Variants in UMAD1 observed in about 807,000 individuals in gnomAD.
The protein encoded by UMAD1 is UBAP1-MVB12-associated (UMA)-domain containing protein 1.
A neutral mutation model predicts 6.1 loss-of-function variants in UMAD1; 8 were observed. That is an observed-to-expected ratio of 1.30 (90% CI 0.76 to 2.35). UMAD1 has a LOEUF of 2.35. Ranked by LOEUF, UMAD1 falls within the 30% of genes most tolerant of loss-of-function variation. The pLI is 0.00. For synonymous variants in UMAD1, 56 were observed against 31.4 expected (o/e 1.78, Z -2.61); for missense variants, 130 against 78.4 (o/e 1.66, Z -2.49).
chr7:7,699,344 T>C (rs1780401474), intron 2 of UMAD1, among the ~76,000 whole-genome samples: 1 of 152,240 alleles, frequency 6.6e-6, no homozygotes, highest in Non-Finnish European at 1.5e-5. Context: ...CTTTAATCAC[T>C]CATAAACTTG....
At chr7:7,741,605 T>A (rs980542699) in intron 2 of UMAD1, among the ~76,000 whole-genome samples, 1 of 147,350 alleles carries the variant, frequency 6.8e-6, no homozygotes, top group Non-Finnish European at 1.5e-5. Context: ...ATAATAATAA[T>A]AATAATAATA....
chr7:7,852,332 G>A (rs1467480467), intron 3 of UMAD1, among the ~76,000 whole-genome samples: 2 of 152,132 alleles, frequency 1.3e-5, no homozygotes, highest in African/African-American at 2.4e-5. Flanking sequence ...AATTAGTTCT[G>A]TAGAAGACAC....
intron 1 of UMAD1, among the ~76,000 whole-genome samples, chr7:7,645,915 A>T (rs748808312): frequency 1.3e-5 from 2 of 151,932 alleles, no homozygotes; most frequent in Non-Finnish European, 2.9e-5. Context: ...GTTATAAGAC[A>T]GGAGAATTCC....
Position 7,769,441 on chromosome 7 carries a change from T to C in UMAD1, c.83-32229T>C, listed in dbSNP as rs143098962. Among the ~76,000 whole-genome samples, 21 of 152,316 alleles carry C rather than the reference T, an allele frequency of 1.4e-4. No individual in the cohort carries two copies. The East Asian group carries it at 4.0e-3, about 29-fold the overall frequency. On this transcript the variant is annotated intron_variant, in intron 2 of 3. Transcript: ENST00000682710. Reference sequence around the variant, plus strand: ...ATGATGGGGTGGAGGGGATGCTTGATGATACCCATTATCCCCTTTTCTTCA... The same window carrying C: ...ATGATGGGGTGGAGGGGATGCTTGACGATACCCATTATCCCCTTTTCTTCA...
At chr7:7,794,789 G>A (rs1282769251) in intron 2 of UMAD1, among the ~76,000 whole-genome samples, 1 of 152,286 alleles carries the variant, frequency 6.6e-6, no homozygotes, top group Middle Eastern at 3.4e-3. Context: ...TACATCCGTA[G>A]AGAATCTCCT....
In UMAD1 at chr7:7,809,426, A is replaced by G. The variant is rs146376435; in HGVS notation, c.156+7683A>G. On this transcript the variant is annotated intron_variant, in intron 3 of 3. Transcript: ENST00000682710. ...TTTTAAAAACTTTTATTTTTAATGG[A>G]CAAGTAATAATTGCATGTATTTATG... is the stretch of plus-strand genomic sequence containing the variant. Among the ~76,000 whole-genome samples the G allele has an allele frequency of 8.3e-4, 126 of 151,962 alleles. 2 individuals are homozygous for G. The highest frequency in any genetic ancestry group is 6.2e-3 in the Admixed American group (95 of 15,286).
chr7:7,678,188 A>G (rs1563113173), intron 2 of UMAD1, among the ~76,000 whole-genome samples: 1 of 151,924 alleles, frequency 6.6e-6, no homozygotes, highest in African/African-American at 2.4e-5. Context: ...TGGCTGTACT[A>G]ATTTACATTC....
intron 2 of UMAD1, chr7:7,738,677 G>A (rs935832052): frequency 6.6e-6 from 1 of 152,204 alleles, no homozygotes; most frequent in African/African-American, 2.4e-5. Context: ...AGGCATTTCT[G>A]TATATGTTTC....
At chr7:7,850,903 G>T (rs13233967) in intron 3 of UMAD1, among the ~76,000 whole-genome samples, 35,077 of 151,916 alleles carry the variant, frequency 0.23, 5,275 homozygotes, top group Middle Eastern at 0.33. Flanking sequence ...TAGATGGGTT[G>T]CAATAAATTT....
chr7:7,742,735 CTTGA>C (rs1371174799), intron 2 of UMAD1, among the ~76,000 whole-genome samples: 1 of 152,050 alleles, frequency 6.6e-6, no homozygotes, highest in Non-Finnish European at 1.5e-5. Context: ...CTAAAATCAG[CTTGA>C]TTGATGAGAA....
At chr7:7,789,967 T>C (rs1782538429) in intron 2 of UMAD1, among the ~76,000 whole-genome samples, 1 of 152,214 alleles carries the variant, frequency 6.6e-6, no homozygotes. Flanking sequence ...TGGGAACATT[T>C]ACTTAGTGAG....
At chr7:7,835,500 T>TTTTTTTTTTA (rs776524699) in intron 3 of UMAD1, among the ~76,000 whole-genome samples, 1 of 102,444 alleles carries the variant, frequency 9.8e-6, no homozygotes, top group Non-Finnish European at 2.0e-5. Context: ...TTTTTTTTTT[T>TTTTTTTTTTA]AGCTCTTAGC....
At chr7:7,785,960 ACTC>A (rs1782453904) in intron 2 of UMAD1, among the ~76,000 whole-genome samples, 1 of 152,010 alleles carries the variant, frequency 6.6e-6, no homozygotes, top group African/African-American at 2.4e-5. Context: ...CATCCTAACT[ACTC>A]CTCTCATTTA....
chr7:7,870,022 G>A (rs1411263337), intron 3 of UMAD1, among the ~76,000 whole-genome samples: 3 of 152,158 alleles, frequency 2.0e-5, no homozygotes, highest in Non-Finnish European at 4.4e-5. Context: ...GCAAGAAAGG[G>A]AGGAACAGTG....
At chr7:7,819,470 A>G (rs746486223) in intron 3 of UMAD1, among the ~76,000 whole-genome samples, 1 of 152,120 alleles carries the variant, frequency 6.6e-6, no homozygotes, top group South Asian at 2.1e-4. Context: ...ATGCTATGCT[A>G]TACACACGCT....
chr7:7,669,888 T>G (rs1161196847), intron 1 of UMAD1, among the ~76,000 whole-genome samples: 2 of 152,188 alleles, frequency 1.3e-5, no homozygotes, highest in Non-Finnish European at 2.9e-5. Flanking sequence ...TTTCCATGCC[T>G]ACACGTTTCT....
At chr7:7,853,803 C>T (rs377076782) in intron 3 of UMAD1, among the ~76,000 whole-genome samples, 4 of 152,032 alleles carry the variant, frequency 2.6e-5, no homozygotes, top group Non-Finnish European at 1.5e-5. Flanking sequence ...TTATTGTCAT[C>T]GAGATCTTGC....
At chr7:7,690,015 T>C (rs1780136822) in intron 2 of UMAD1, among the ~76,000 whole-genome samples, 1 of 152,188 alleles carries the variant, frequency 6.6e-6, no homozygotes, top group South Asian at 2.1e-4. Context: ...AGATGATATA[T>C]TCCACATTGT....
At chr7:7,787,117 C>G (rs907105726) in intron 2 of UMAD1, among the ~76,000 whole-genome samples, 16 of 152,140 alleles carry the variant, frequency 1.1e-4, no homozygotes, top group African/African-American at 3.9e-4. Context: ...TTTGAAAACA[C>G]TGAGTCATGA....
Sources: allele counts gnomAD v4.1 joint callset (sites outside exome capture counted in the v4.1 genomes callset), GRCh38; gene constraint gnomAD v4.1.1; transcripts MANE v1.5; gene names NCBI Gene and HGNC (gene_info 2026-07-23, HGNC 2026-07-21).